The following NT5C3B variants were observed in gnomAD, a reference collection of about 807,000 sequenced individuals.
NT5C3B encodes 7-methylguanosine phosphate-specific 5'-nucleotidase.
Under a neutral mutation model 32.5 loss-of-function variants are expected in NT5C3B, and 28 were observed. The ratio of observed to expected loss-of-function variants is 0.86; its 90% CI spans 0.64 to 1.18. NT5C3B has a LOEUF of 1.18. NT5C3B is among the 50% of genes most tolerant of loss of function. The pLI is 0.00. For missense variants in NT5C3B, 317 were observed against 322.0 expected, an observed-to-expected ratio of 0.98 and a Z score of 0.12; for synonymous variants, 138 against 118.0, an observed-to-expected ratio of 1.17 and a Z score of -1.10.
intron 4 of NT5C3B, among the ~76,000 whole-genome samples, chr17:41,834,120 G>T (rs1458864354): frequency 6.6e-6 from 1 of 152,096 alleles, no homozygotes; most frequent in Non-Finnish European, 1.5e-5. Context: ...ATCAGGCTGG[G>T]CAAGATGGCT....
chr17:41,826,924 T>C (rs1355246285), intron 8 of NT5C3B, among the ~76,000 whole-genome samples: 1 of 145,620 alleles, frequency 6.9e-6, no homozygotes, highest in Non-Finnish European at 1.5e-5. Context: ...CACTTGAACC[T>C]GGGAGGTGGA....
intron 4 of NT5C3B, chr17:41,832,741 G>A (rs1034227488): frequency 1.1e-4 from 30 of 264,382 alleles, no homozygotes; most frequent in South Asian, 7.5e-4. Flanking sequence ...AGTGGCATGC[G>A]CCTTTAATCC....
intron 7 of NT5C3B, 85 bp downstream of exon 7, chr17:41,828,705 A>T: frequency 8.1e-7 from 1 of 1,236,938 alleles, no homozygotes; most frequent in Non-Finnish European, 1.1e-6. Flanking sequence ...CTTCTTCCCC[A>T]GGTTAGGGTT....
At chr17:41,828,760 CT>C in intron 7 of NT5C3B, 29 bp downstream of exon 7, 3 of 1,600,766 alleles carry the variant, frequency 1.9e-6, no homozygotes, top group Non-Finnish European at 2.6e-6. Flanking sequence ...ACCCCTCGTC[CT>C]TTCCCAGCCC....
rs1008509485 is a variant in NT5C3B, at chr17:41,825,263, T to C, written c.*260A>G. ...CCATGTTTAAAAATTTTGAAGAAAA[T>C]CCCTGGAGTAGACAATCCCTAGAGC... On this transcript the variant is annotated 3_prime_UTR_variant, in exon 9 of 9. Transcript: ENST00000435506. 3.6e-5 allele frequency: 15 copies of C among 414,984 alleles called. No homozygotes were observed. The highest frequency in any genetic ancestry group is 2.6e-4 in the African/African-American group (13 of 49,954). 25.7% of individuals were successfully genotyped at this position (414,984 alleles called of 1,614,324 possible). A position where few individuals can be genotyped will look rare whatever the true frequency, so the allele number is the denominator to read the frequency against.
intron 8 of NT5C3B, among the ~76,000 whole-genome samples, chr17:41,826,155 CAAAAAAAA>C (rs1206509838): frequency 7.5e-6 from 1 of 132,662 alleles, no homozygotes; most frequent in African/African-American, 2.9e-5. Flanking sequence ...GGCCCTGTCT[CAAAAAAAA>C]AAAAAAAAAA....
chr17:41,835,637 C>T (rs1555619804), intron 2 of NT5C3B: 2 of 703,354 alleles, frequency 2.8e-6, no homozygotes, highest in South Asian at 1.5e-5. Context: ...CTGGTGTGGG[C>T]GCCTTCTGTC....
chr17:41,833,378 G>A (rs939904696), intron 4 of NT5C3B, among the ~76,000 whole-genome samples: 3 of 151,730 alleles, frequency 2.0e-5, no homozygotes, highest in Non-Finnish European at 2.9e-5. Context: ...GTGCAGTGGC[G>A]CAATCTCGGC....
intron 8 of NT5C3B, 96 bp downstream of exon 8, chr17:41,827,330 A>G: frequency 1.8e-6 from 1 of 548,838 alleles, no homozygotes; most frequent in Admixed American, 2.9e-5. Flanking sequence ...AAATAAAAAT[A>G]GAAATAAAAA....
rs1555619703 is a variant in NT5C3B, at chr17:41,835,209, A to G, written c.175T>C (p.Ser59Pro). ...AAGCTAGAATGTGACTTACTGTAAG[A>G]AGAAGGGCATCGCTTTCCATTATAT... ...FAYNGKRCPS[S>P]YNILDNSKII... The change falls in exon 3 of 9, where the codon TCT (serine) becomes CCT (proline). Residue 59 changes from serine to proline, a missense_variant. By Grantham distance (74) the Ser-to-Pro change is moderately conservative. Transcript: ENST00000435506. 1 of 1,613,994 alleles carries G rather than the reference A, an allele frequency of 6.2e-7. No homozygotes were observed. The highest frequency in any genetic ancestry group is 8.5e-7 in the Non-Finnish European group (1 of 1,179,968).
chr17:41,831,418 C>T (rs2048050274), intron 5 of NT5C3B, among the ~76,000 whole-genome samples: 1 of 151,962 alleles, frequency 6.6e-6, no homozygotes, highest in African/African-American at 2.4e-5. Flanking sequence ...TTCTGAATCC[C>T]TTCCTCCGTG....
At chr17:41,833,377 C>T (rs547822171) in intron 4 of NT5C3B, among the ~76,000 whole-genome samples, 2 of 151,688 alleles carry the variant, frequency 1.3e-5, no homozygotes, top group African/African-American at 2.4e-5. Context: ...AGTGCAGTGG[C>T]GCAATCTCGG....
In NT5C3B at chr17:41,828,811, G is replaced by A; in HGVS notation, c.546C>T (p.Asn182=). 6.2e-7 allele frequency: 1 copy of A among 1,613,840 alleles called. No individual in the cohort carries two copies. Among genetic ancestry groups the A allele is most frequent in the Non-Finnish European group, 8.5e-7 (1 of 1,179,840 alleles). The change falls in exon 7 of 9, where the codon AAC becomes AAT. Residue 182 remains asparagine, a synonymous_variant. Coordinates refer to ENST00000435506, the MANE Select transcript of NT5C3B (RefSeq NM_052935.5). ...TCACATCTTCATTAAAATCCATGTAGTTAGACACGATGTGGATGTTGGGGT... is the reference window on the plus strand; with the variant it reads ...TCACATCTTCATTAAAATCCATGTAATTAGACACGATGTGGATGTTGGGGT... The part of the protein sequence containing the change: ...VFHPNIHIVS[N]YMDFNEDGFL...
chr17:41,833,377 C>A lies in NT5C3B; in HGVS notation c.229-900G>T, dbSNP rs547822171. On this transcript the variant is annotated intron_variant, in intron 4 of 8. Coordinates refer to ENST00000435506, the MANE Select transcript of NT5C3B (RefSeq NM_052935.5). Reference sequence around the variant, plus strand: ...TGTTGCCCAGGCTGGAGTGCAGTGGCGCAATCTCGGCTCACTGCAACCTCC... The same window carrying A: ...TGTTGCCCAGGCTGGAGTGCAGTGGAGCAATCTCGGCTCACTGCAACCTCC... 2.9e-3 allele frequency among the ~76,000 whole-genome samples: 436 copies of A among 151,812 alleles called. 2 individuals carry two copies. Among genetic ancestry groups the A allele is most frequent in the African/African-American group, 0.01 (422 of 41,394 alleles).
chr17:41,832,174 T>C (rs899858706), intron 5 of NT5C3B, among the ~76,000 whole-genome samples: 2 of 152,206 alleles, frequency 1.3e-5, no homozygotes, highest in East Asian at 3.8e-4. Context: ...CTTTAACTTA[T>C]TCCAAGGATT....
Position 41,827,646 on chromosome 17 carries a change from G to T in NT5C3B, c.568-20C>A. On this transcript the variant is annotated intron_variant, in intron 7 of 8. Transcript: ENST00000435506. Reference sequence around the variant, plus strand: ...AAAACCCTAAATAATGAAGACAAGAGACAGATGGAAGGGCTGCAGGGACCC... The same window carrying T: ...AAAACCCTAAATAATGAAGACAAGATACAGATGGAAGGGCTGCAGGGACCC... 1.2e-6 allele frequency: 1 copy of T among 843,726 alleles called. No homozygotes were observed. Among genetic ancestry groups the T allele is most frequent in the Non-Finnish European group, 2.1e-6 (1 of 475,610 alleles). 52.3% of individuals were successfully genotyped at this position (843,726 alleles called of 1,614,324 possible).
chr17:41,827,500 T>C lies in NT5C3B; in HGVS notation c.694A>G (p.Ile232Val), dbSNP rs1258411176. 1.4e-5 allele frequency: 12 copies of C among 872,846 alleles called. No individual in the cohort carries two copies. The highest frequency in any genetic ancestry group is 2.4e-5 in the Non-Finnish European group (12 of 501,694). The allele number at this position is 872,846 out of a possible 1,614,324, so 54.1% of individuals were successfully genotyped here. A position where few individuals can be genotyped will look rare whatever the true frequency, so the allele number is the denominator to read the frequency against. ...CCATCGGCCATGGTGAGGTCCCCGA[T>C]AGAGTCTCCCAGCAGGATGACATTG... is the stretch of plus-strand genomic sequence containing the variant. ...KTNVILLGDS[I>V]GDLTMADGVP... Residue 232 changes from isoleucine (I) to valine (V), a missense_variant, in exon 8 of 9, where the codon ATC becomes GTC. Transcript: ENST00000435506.
chr17:41,825,219 T>G lies in NT5C3B; in HGVS notation c.*304A>C. 1.3e-4 allele frequency: 40 copies of G among 300,086 alleles called. No individual in the cohort carries two copies. The highest frequency in any genetic ancestry group is 3.6e-4 in the East Asian group (6 of 16,894). 18.6% of individuals were successfully genotyped at this position (300,086 alleles called of 1,614,324 possible). On this transcript the variant is annotated 3_prime_UTR_variant, in exon 9 of 9. Coordinates refer to ENST00000435506, the MANE Select transcript of NT5C3B (RefSeq NM_052935.5). Reference sequence around the variant, plus strand: ...TAAAAATTTTGATCTGTTTCACACATTATATTTGTTTGAACTTCCCATGTT... The same window carrying G: ...TAAAAATTTTGATCTGTTTCACACAGTATATTTGTTTGAACTTCCCATGTT...
Position 41,834,955 on chromosome 17 carries a change from A to C in NT5C3B, c.228+115T>G, listed in dbSNP as rs1016815950. On this transcript the variant is annotated intron_variant, in intron 4 of 8. Transcript: ENST00000435506. ...CTAGACCCTCCTTAGCAAAACAACA[A>C]GTTTTTAAAAATTAATTTTCTAAGG... 3.8e-6 allele frequency: 4 copies of C among 1,063,292 alleles called. No homozygotes were observed. In the African/African-American group the frequency reaches 6.4e-5, roughly 17 times the overall value. 65.9% of individuals were successfully genotyped at this position (1,063,292 alleles called of 1,614,324 possible).
Sources: gnomAD v4.1 joint callset for allele counts (sites outside exome capture counted in the v4.1 genomes callset) on GRCh38, gnomAD v4.1.1 for gene constraint, MANE v1.5 for transcripts, NCBI Gene and HGNC (gene_info 2026-07-23, HGNC 2026-07-21) for gene names.